Variants in SNTG1 observed in about 807,000 individuals in gnomAD.
SNTG1 encodes gamma-1-syntrophin.
Under a neutral mutation model 74.7 loss-of-function variants are expected in SNTG1, and 39 were observed. The observed-to-expected ratio is 0.52, with a 90% CI of 0.40 to 0.68. SNTG1 has a LOEUF of 0.68. SNTG1 is among the 30% of genes least tolerant of loss of function. The pLI is 0.00. For synonymous variants in SNTG1, 254 were observed against 217.1 expected, an observed-to-expected ratio of 1.17 and a Z score of -1.49; for missense variants, 685 against 609.5, an observed-to-expected ratio of 1.12 and a Z score of -1.30.
intron 2 of SNTG1, among the ~76,000 whole-genome samples, chr8:50,303,916 C>T (rs2089763383): frequency 6.9e-6 from 1 of 144,074 alleles, no homozygotes; most frequent in African/African-American, 2.4e-5. Flanking sequence ...AAGCTGCTTT[C>T]TTCTATTTCT....
intron 4 of SNTG1, among the ~76,000 whole-genome samples, chr8:50,432,615 C>G (rs1448296953): frequency 3.3e-5 from 5 of 152,030 alleles, no homozygotes; most frequent in Admixed American, 3.3e-4. Flanking sequence ...GGAATGACAT[C>G]TTAAAAATAT....
intron 2 of SNTG1, among the ~76,000 whole-genome samples, chr8:50,374,717 T>G (rs1444645035): frequency 6.6e-6 from 1 of 152,244 alleles, no homozygotes; most frequent in Non-Finnish European, 1.5e-5. Flanking sequence ...CAAATCAATG[T>G]GAACTGCTCA....
intron 2 of SNTG1, among the ~76,000 whole-genome samples, chr8:50,346,433 T>C (rs371965669): frequency 7.2e-5 from 11 of 152,334 alleles, no homozygotes; most frequent in African/African-American, 2.6e-4. Context: ...CATTCCTCTG[T>C]CTTGCTTTCT....
rs557431503 is a variant in SNTG1 at position 50,202,424 on chromosome 8, G to A, written c.-28+29789G>A. Among the ~76,000 whole-genome samples the A allele has an allele frequency of 3.3e-5, 5 of 151,900 alleles. No homozygotes were observed. The East Asian group carries it at 9.7e-4, about 29-fold the overall frequency. On this transcript the variant is annotated intron_variant, in intron 2 of 18. Coordinates refer to ENST00000642720, the MANE Select transcript of SNTG1 (RefSeq NM_018967.5). ...CATCTTTATATCTTTGCTTTTCCAG[G>A]GTGTGATATAATTGAAAGCATACAG...
Position 50,432,861 on chromosome 8 carries a change from G to A in SNTG1, c.163-5682G>A, listed in dbSNP as rs145368780. Among the ~76,000 whole-genome samples, 1,489 of 150,920 alleles carry A rather than the reference G, an allele frequency of 9.9e-3. 29 individuals are homozygous for A. The highest frequency in any genetic ancestry group is 0.035 in the African/African-American group (1,419 of 41,084). ...GGCTGGAGTGCAGTGGCACAGTCTC[G>A]GCTACTGCAACCTCCACCTCCCTGG... On this transcript the variant is annotated intron_variant, in intron 4 of 18. Transcript: ENST00000642720.
chr8:50,690,525 C>T (rs922099723), intron 15 of SNTG1, among the ~76,000 whole-genome samples: 7 of 152,164 alleles, frequency 4.6e-5, no homozygotes, highest in Non-Finnish European at 7.3e-5. Flanking sequence ...CATTCAGGAG[C>T]AGGTTGTTCA....
At chr8:50,650,654 C>T (rs979806365) in intron 13 of SNTG1, among the ~76,000 whole-genome samples, 1 of 151,936 alleles carries the variant, frequency 6.6e-6, no homozygotes, top group African/African-American at 2.4e-5. Context: ...TTTCTTTCTG[C>T]ATCTATTCTG....
intron 2 of SNTG1, among the ~76,000 whole-genome samples, chr8:50,237,363 T>A (rs1349982188): frequency 6.6e-6 from 1 of 152,200 alleles, no homozygotes; most frequent in East Asian, 1.9e-4. Context: ...GGTGATGTCA[T>A]GTACATCTAT....
chr8:50,016,345 C>T (rs1475392593), intron 1 of SNTG1, among the ~76,000 whole-genome samples: 2 of 152,150 alleles, frequency 1.3e-5, no homozygotes, highest in African/African-American at 2.4e-5. Flanking sequence ...TCACTCAGCT[C>T]ATGAGGCACC....
At chr8:50,003,930 C>T (rs1771480652) in intron 1 of SNTG1, among the ~76,000 whole-genome samples, 1 of 152,052 alleles carries the variant, frequency 6.6e-6, no homozygotes, top group Non-Finnish European at 1.5e-5. Context: ...TGTAGCTGAC[C>T]TAGGTTTATT....
chr8:50,789,283 T>A (rs1363329366), intron 18 of SNTG1, among the ~76,000 whole-genome samples: 1 of 151,942 alleles, frequency 6.6e-6, no homozygotes, highest in African/African-American at 2.4e-5. Context: ...CTCCCGGGTT[T>A]TGCACTCACT....
At chr8:50,349,951 G>C (rs974273517) in intron 2 of SNTG1, among the ~76,000 whole-genome samples, 1 of 152,178 alleles carries the variant, frequency 6.6e-6, no homozygotes, top group Non-Finnish European at 1.5e-5. Context: ...GGGCTGCACC[G>C]CGTGCTTATG....
At chr8:50,621,726 C>G (rs967857765) in intron 13 of SNTG1, among the ~76,000 whole-genome samples, 3 of 152,128 alleles carry the variant, frequency 2.0e-5, no homozygotes, top group Non-Finnish European at 4.4e-5. Flanking sequence ...GTAGGTAATT[C>G]AGTACACATA....
rs79576593 is a variant in SNTG1, at chr8:49,995,298, A to G, written c.-103+83067A>G. On this transcript the variant is annotated intron_variant, in intron 1 of 18. Transcript: ENST00000642720. Reference sequence around the variant, plus strand: ...TTTGTGGGAGTTTAGATTAATGTTGATGTTATTTTTAGGTGGCTTTTTAAA... The same window carrying G: ...TTTGTGGGAGTTTAGATTAATGTTGGTGTTATTTTTAGGTGGCTTTTTAAA... Among the ~76,000 whole-genome samples, 1,241 of 152,312 alleles carry G rather than the reference A, an allele frequency of 8.1e-3. 24 individuals are homozygous for G. The highest frequency in any genetic ancestry group is 0.028 in the African/African-American group (1,146 of 41,560).
intron 15 of SNTG1, among the ~76,000 whole-genome samples, chr8:50,677,324 G>A (rs897953021): frequency 2.0e-5 from 3 of 151,826 alleles, no homozygotes; most frequent in African/African-American, 7.2e-5. Flanking sequence ...TAAATCGAAT[G>A]CTTAAAAATA....
intron 1 of SNTG1, among the ~76,000 whole-genome samples, chr8:50,100,626 C>G (rs1198378814): frequency 1.3e-5 from 2 of 151,990 alleles, no homozygotes; most frequent in Admixed American, 6.6e-5. Flanking sequence ...ACTTGACAAA[C>G]TTTTGAGGTA....
At chr8:50,624,925 C>T (rs527461540) in intron 13 of SNTG1, among the ~76,000 whole-genome samples, 58 of 152,022 alleles carry the variant, frequency 3.8e-4, no homozygotes, top group Non-Finnish European at 8.2e-4. Flanking sequence ...ATGTCCCTTC[C>T]TCTACACCTT....
At chr8:50,500,623 G>T (rs1004620870) in intron 8 of SNTG1, among the ~76,000 whole-genome samples, 2 of 151,902 alleles carry the variant, frequency 1.3e-5, no homozygotes, top group African/African-American at 2.4e-5. Flanking sequence ...TGGTCATTTT[G>T]TTTATTATAT....
intron 1 of SNTG1, among the ~76,000 whole-genome samples, chr8:49,965,307 G>A (rs1164217825): frequency 1.3e-5 from 2 of 152,170 alleles, no homozygotes; most frequent in Non-Finnish European, 2.9e-5. Flanking sequence ...TGACGATGAT[G>A]TTAATGGAAT....
Sources: allele counts gnomAD v4.1 joint callset (sites outside exome capture counted in the v4.1 genomes callset), GRCh38; gene constraint gnomAD v4.1.1; transcripts MANE v1.5; gene names NCBI Gene and HGNC (gene_info 2026-07-23, HGNC 2026-07-21).